The following ZNF841 variants were observed in gnomAD, a reference collection of about 807,000 sequenced individuals.
The protein encoded by ZNF841 is zinc finger protein 841.
Under a neutral mutation model 13.0 loss-of-function variants are expected in ZNF841, and 11 were observed. The observed-to-expected ratio is 0.85, with a 90% CI of 0.53 to 1.40. ZNF841 has a LOEUF of 1.40. Among genes scored for constraint, ZNF841 ranks in the 40% most tolerant of loss-of-function variants. The probability of loss-of-function intolerance (pLI) is 0.00; values close to 1 mark genes in which losing one functional copy is unlikely to be tolerated. For missense variants in ZNF841, 1,068 were observed against 1,139.5 expected (o/e 0.94, Z 0.90); for synonymous variants, 369 against 381.6 (o/e 0.97, Z 0.38).
At chr19:52,091,263 CAT>C (rs1460739442) in intron 2 of ZNF841, among the ~76,000 whole-genome samples, 2 of 152,084 alleles carry the variant, frequency 1.3e-5, no homozygotes, top group African/African-American at 4.8e-5. Context: ...TTAAAATGTC[CAT>C]ACTACCAAAA....
chr19:52,065,076 CA>C lies in ZNF841; in HGVS notation c.*30del, dbSNP rs781426721. ...CACATGAGACTTCAAAGGGAAAGGACAAATATACAAGCTATATGAGTAAGTA... is the reference window on the plus strand; with the variant it reads ...CACATGAGACTTCAAAGGGAAAGGACAATATACAAGCTATATGAGTAAGTA... On this transcript the variant is annotated 3_prime_UTR_variant, in exon 7 of 7. Coordinates refer to ENST00000594440, the MANE Select transcript of ZNF841 (RefSeq NM_001136499.2). The C allele has an allele frequency of 1.4e-6, 2 of 1,447,534 alleles. No individual in the cohort carries two copies. Among genetic ancestry groups the C allele is most frequent in the East Asian group, 4.9e-5 (2 of 40,760 alleles). 89.7% of individuals were successfully genotyped at this position (1,447,534 alleles called of 1,614,324 possible). A position where few individuals can be genotyped will look rare whatever the true frequency, so the allele number is the denominator to read the frequency against.
downstream of ZNF841, among the ~76,000 whole-genome samples, chr19:52,064,309 G>GCAGTC (rs1250497310): frequency 4.7e-5 from 6 of 128,304 alleles, no homozygotes; most frequent in East Asian, 1.6e-3. Flanking sequence ...TTGCGCCACT[G>GCAGTC]CAGTCCGCAG....
At position 52,076,205 on chromosome 19, in the gene ZNF841, G is replaced by T. The variant is rs185161581; in HGVS notation, c.143-33C>A. 5.0e-4 allele frequency: 765 copies of T among 1,545,254 alleles called. 1 individual carries two copies. The African/African-American group carries it at 8.9e-3, about 18-fold the overall frequency. ...TAAAAAAAGAAAGAAGATGTCCCAC[G>T]GTTTTTCCAGAACCCAGCCTAATGT... On this transcript the variant is annotated intron_variant, in intron 5 of 6. Coordinates refer to ENST00000594440, the MANE Select transcript of ZNF841 (RefSeq NM_001136499.2).
chr19:52,065,634 T>C lies in ZNF841; in HGVS notation c.2248A>G (p.Thr750Ala). ...ATTCTCCGATGCCTTGCCAGGGTTG[T>C]AGTGGAGTTAAAGACTTTCCCACAT... ...IECGKVFNST[T>A]TLARHRRIHT... The change falls in exon 7 of 7, where the codon ACA becomes GCA. Residue 750 changes from threonine to alanine, a missense_variant. By Grantham distance (58) the Thr-to-Ala change is moderately conservative. Transcript: ENST00000594440. 1.2e-6 allele frequency: 2 copies of C among 1,609,024 alleles called. No individual in the cohort carries two copies. Among genetic ancestry groups the C allele is most frequent in the Non-Finnish European group, 1.7e-6 (2 of 1,177,460 alleles).
intron 3 of ZNF841, among the ~76,000 whole-genome samples, chr19:52,086,772 CT>C (rs1207806110): frequency 1.3e-5 from 2 of 152,160 alleles, no homozygotes; most frequent in Non-Finnish European, 2.9e-5. Flanking sequence ...CAAATAGCTC[CT>C]GACAGGCAAA....
intron 4 of ZNF841, among the ~76,000 whole-genome samples, chr19:52,081,499 A>T (rs1475482156): frequency 6.6e-6 from 1 of 152,240 alleles, no homozygotes; most frequent in Non-Finnish European, 1.5e-5. Context: ...GGAAAACTAT[A>T]TGAACTATGC....
intron 6 of ZNF841, among the ~76,000 whole-genome samples, chr19:52,075,805 A>T (rs976795968): frequency 4.6e-5 from 7 of 152,164 alleles, no homozygotes; most frequent in Non-Finnish European, 8.8e-5. Context: ...CACAATACAG[A>T]TGACACTGTG....
chr19:52,084,175 A>G (rs2088195771), intron 4 of ZNF841, among the ~76,000 whole-genome samples: 1 of 152,102 alleles, frequency 6.6e-6, no homozygotes, highest in Admixed American at 6.5e-5. Flanking sequence ...TATGCTGAGA[A>G]TGGCTAAATT....
Position 52,083,909 on chromosome 19 carries a change from T to G in ZNF841, c.15+878A>C, listed in dbSNP as rs144442580. Among the ~76,000 whole-genome samples the G allele has an allele frequency of 1.6e-3, 245 of 152,014 alleles. 1 individual carries two copies. The highest frequency in any genetic ancestry group is 5.4e-3 in the African/African-American group (226 of 41,470). ...AATAACACGTTATTCCCTACCATCC[T>G]TATGTTGCATCACCTTCTTAATGTC... On this transcript the variant is annotated intron_variant, in intron 4 of 6. Transcript: ENST00000594440.
chr19:52,091,778 A>G (rs58886656), intron 2 of ZNF841, among the ~76,000 whole-genome samples: 2,266 of 152,312 alleles, frequency 0.015, 49 homozygotes, highest in African/African-American at 0.052. Flanking sequence ...CTTGGCAATG[A>G]TTTTTTTGGA....
chr19:52,073,285 AAGT>A (rs1214613830), intron 6 of ZNF841, among the ~76,000 whole-genome samples: 1 of 151,892 alleles, frequency 6.6e-6, no homozygotes, highest in Non-Finnish European at 1.5e-5. Flanking sequence ...GACAAAATAC[AAGT>A]TGTTGTTTTT....
At chr19:52,069,908 G>A (rs2087692058) in intron 6 of ZNF841, among the ~76,000 whole-genome samples, 1 of 152,128 alleles carries the variant, frequency 6.6e-6, no homozygotes, top group Non-Finnish European at 1.5e-5. Context: ...TTATAAACAT[G>A]AAACAATGTT....
Position 52,076,105 on chromosome 19 carries a change from C to A in ZNF841, c.210G>T (p.Val70=). The A allele has an allele frequency of 6.4e-7, 1 of 1,556,130 alleles. No homozygotes were observed. The highest frequency in any genetic ancestry group is 8.7e-7 in the Non-Finnish European group (1 of 1,149,214). Residue 70 remains valine (V), a synonymous_variant, in exon 6 of 7, where the codon GTG becomes GTT. Coordinates refer to ENST00000594440, the MANE Select transcript of ZNF841 (RefSeq NM_001136499.2). ...LEQGKEPWTV[V]SQVKIARNPN... ...GGTTCCTCGCTATTTTCACTTGGCT[C>A]ACCACAGTCCAGGGCTCTTTCCCTT...
intron 2 of ZNF841, among the ~76,000 whole-genome samples, chr19:52,089,792 C>T (rs1236498866): frequency 6.6e-6 from 1 of 152,182 alleles, no homozygotes; most frequent in African/African-American, 2.4e-5. Flanking sequence ...CACACCATAC[C>T]ATGGCTCATC....
At chr19:52,092,718 T>A (rs2088539930) in intron 2 of ZNF841, among the ~76,000 whole-genome samples, 1 of 152,208 alleles carries the variant, frequency 6.6e-6, no homozygotes, top group Admixed American at 6.5e-5. Context: ...ATGGCTGTAA[T>A]CCCAGCACTC....
At chr19:52,076,898 A>G in intron 5 of ZNF841, 60 bp downstream of exon 5, 1 of 1,591,466 alleles carries the variant, frequency 6.3e-7, no homozygotes. Context: ...GAAACACAAT[A>G]AGGAAAGTAC....
Position 52,065,739 on chromosome 19 carries a change from C to T in ZNF841, c.2143G>A (p.Gly715Ser), listed in dbSNP as rs1224169154. ...GEKPHKCSEC[G>S]RTFSHKTSLV... ...CTTGTTTTATGACTAAAAGTTCTAC[C>T]ACATTCACTACATTTGTGTGGTTTC... Residue 715 changes from glycine (G) to serine (S), a missense_variant, in exon 7 of 7, where the codon GGT becomes AGT. Transcript: ENST00000594440. 2 of 1,606,928 alleles carry T rather than the reference C, an allele frequency of 1.2e-6. No individual in the cohort carries two copies. The highest frequency in any genetic ancestry group is 4.5e-5 in the East Asian group (2 of 44,758).
Position 52,084,787 on chromosome 19 carries a change from C to G in ZNF841, c.15G>C (p.Gln5His). Residue 5 changes from glutamine to histidine, a missense_variant and splice_region_variant, in exon 4 of 7, where the codon CAG becomes CAC. Physicochemically the swap from Gln to His is conservative, Grantham distance 24 (BLOSUM62 0). Transcript: ENST00000594440. ...CAATCCACCAAGATTATCACTTTAC[C>G]TGAGGAAGAGCCATCCCTGGCTCCT... Reference protein sequence around the residue: MALPQGSLTFRDVAV... With the variant: MALPHGSLTFRDVAV... 6.2e-7 allele frequency: 1 copy of G among 1,613,682 alleles called. No homozygotes were observed. The highest frequency in any genetic ancestry group is 8.5e-7 in the Non-Finnish European group (1 of 1,179,790).
chr19:52,065,576 T>TCATTA lies in ZNF841; in HGVS notation c.2301_2305dup (p.Glu769ValfsTer47). 1 of 1,613,962 alleles carries TCATTA rather than the reference T, an allele frequency of 6.2e-7. No homozygotes were observed. Among genetic ancestry groups the TCATTA allele is most frequent in the Non-Finnish European group, 8.5e-7 (1 of 1,179,926 alleles). The stretch of plus-strand genomic sequence containing the variant: ...GCGATAACGGAAGACCTTGCCACAT[T>TCATTA]CATTACATTTGTAAGGTTTCTCTCC... On this transcript the variant is annotated frameshift_variant, in exon 7 of 7. Coordinates refer to ENST00000594440, the MANE Select transcript of ZNF841 (RefSeq NM_001136499.2). LOFTEE classifies it low-confidence loss of function (END_TRUNC).
Sources: gnomAD v4.1 joint callset for allele counts (sites outside exome capture counted in the v4.1 genomes callset) on GRCh38, gnomAD v4.1.1 for gene constraint, MANE v1.5 for transcripts, NCBI Gene and HGNC (gene_info 2026-07-23, HGNC 2026-07-21) for gene names.